The following SVEP1 variants were observed in gnomAD, a reference collection of about 807,000 sequenced individuals.
SVEP1 encodes sushi, von Willebrand factor type A, EGF and pentraxin domain-containing protein 1.
Under a neutral mutation model 367.3 loss-of-function variants are expected in SVEP1, and 164 were observed. The ratio of observed to expected loss-of-function variants is 0.45; its 90% CI spans 0.39 to 0.51. The LOEUF is 0.51. SVEP1 is among the 20% of genes least tolerant of loss of function. The pLI, the probability that SVEP1 is intolerant of heterozygous loss-of-function variation, is 0.00. For synonymous variants in SVEP1, 1,666 were observed against 1,611.6 expected, an observed-to-expected ratio of 1.03 and a Z score of -0.81; for missense variants, 4,117 against 4,425.3, an observed-to-expected ratio of 0.93 and a Z score of 1.98.
At chr9:110,514,788 T>C (rs1038660914) in intron 3 of SVEP1, among the ~76,000 whole-genome samples, 1 of 152,298 alleles carries the variant, frequency 6.6e-6, no homozygotes, top group Admixed American at 6.5e-5. Context: ...ATAAGTATGA[T>C]GTCCCCTATA....
At position 110,460,779 on chromosome 9, in the gene SVEP1, A is replaced by G. The variant is rs1015288010; in HGVS notation, c.3323-1666T>C. Among the ~76,000 whole-genome samples the G allele has an allele frequency of 2.0e-5, 3 of 152,162 alleles. No homozygotes were observed. The South Asian group carries it at 6.2e-4, about 32-fold the overall frequency. On this transcript the variant is annotated intron_variant, in intron 18 of 47. Transcript: ENST00000374469. The stretch of plus-strand genomic sequence containing the variant: ...AAAGAAAAAAAAAAAAGAAAATTCA[A>G]GGAAGGTATTAAAATCTTCCATGAA...
In SVEP1 at chr9:110,406,806, G is replaced by A; in HGVS notation, c.8794C>T (p.Gln2932Ter). The change falls in exon 38 of 48, where the codon CAG (glutamine) becomes TAG (stop). Residue 2932 changes from glutamine to a stop codon, truncating the protein, a stop_gained. Coordinates refer to ENST00000374469, the MANE Select transcript of SVEP1 (RefSeq NM_153366.4). LOFTEE classifies it high-confidence loss of function. ...TCTGCATCCCAGTTGCCATCTGACT[G>A]ACAGGTGAGTTTTGGAGCACCGTGC... ...ILHGAPKLTC[Q>*]SDGNWDAEIP... The A allele has an allele frequency of 6.2e-7, 1 of 1,614,042 alleles. No homozygotes were observed. The highest frequency in any genetic ancestry group is 8.5e-7 in the Non-Finnish European group (1 of 1,179,908).
intron 27 of SVEP1, 144 bp from the exon 28 acceptor site, chr9:110,436,648 G>A (rs1375577690): frequency 4.2e-6 from 5 of 1,188,748 alleles, no homozygotes; most frequent in Admixed American, 2.9e-5. Context: ...ATTTACTGCA[G>A]GTTTTATCAA....
At position 110,411,654 on chromosome 9, in the gene SVEP1, G is replaced by T. The variant is rs1396188922; in HGVS notation, c.6057C>A (p.Val2019=). Residue 2019 remains valine (V), a synonymous_variant, in exon 37 of 48, where the codon GTC becomes GTA. Coordinates refer to ENST00000374469, the MANE Select transcript of SVEP1 (RefSeq NM_153366.4). ...WSRSDQQCLA[V]SCDEPPIVDH... is the part of the protein sequence containing the mutation. The stretch of plus-strand genomic sequence containing the variant: ...CCACAATGGGTGGCTCATCACAGGA[G>T]ACAGCCAGGCACTGCTGGTCACTTC... 1 of 1,609,686 alleles carries T rather than the reference G, an allele frequency of 6.2e-7. No homozygotes were observed. The highest frequency in any genetic ancestry group is 2.2e-5 in the East Asian group (1 of 44,750).
In SVEP1 at chr9:110,485,946, T is replaced by A. The variant is rs577758757; in HGVS notation, c.1931-2253A>T. Among the ~76,000 whole-genome samples the A allele has an allele frequency of 3.3e-5, 5 of 152,340 alleles. No homozygotes were observed. In the South Asian group the frequency reaches 1.0e-3, roughly 32 times the overall value. Reference sequence around the variant, plus strand: ...AATTTTTGTCTTTTCCTCATGTTTGTTATTAGTGCAGACCTTAGGTTTATT... The same window carrying A: ...AATTTTTGTCTTTTCCTCATGTTTGATATTAGTGCAGACCTTAGGTTTATT... On this transcript the variant is annotated intron_variant, in intron 9 of 47. Coordinates refer to ENST00000374469, the MANE Select transcript of SVEP1 (RefSeq NM_153366.4).
intron 36 of SVEP1, among the ~76,000 whole-genome samples, chr9:110,414,759 G>C (rs1412287719): frequency 2.0e-5 from 3 of 151,736 alleles, no homozygotes; most frequent in Non-Finnish European, 4.4e-5. Flanking sequence ...TTCTGTCTTA[G>C]CAAAAAAGCC....
intron 1 of SVEP1, among the ~76,000 whole-genome samples, chr9:110,564,138 G>A (rs1830462443): frequency 6.6e-6 from 1 of 152,140 alleles, no homozygotes; most frequent in Non-Finnish European, 1.5e-5. Context: ...ATAATTTAAT[G>A]CTATGCTTAG....
chr9:110,410,253 C>G (rs1828025686), intron 37 of SVEP1, among the ~76,000 whole-genome samples: 1 of 152,018 alleles, frequency 6.6e-6, no homozygotes, highest in Non-Finnish European at 1.5e-5. Context: ...TCAAATGGCC[C>G]TTGATTTGGG....
chr9:110,377,255 C>G lies in SVEP1; in HGVS notation c.10504+16G>C, dbSNP rs369120164. On this transcript the variant is annotated intron_variant, in intron 45 of 47. Coordinates refer to ENST00000374469, the MANE Select transcript of SVEP1 (RefSeq NM_153366.4). ...AATTTGTCAGGACTCAAAGTAAGAT[C>G]TGAAGAGCAACTCACGTTCTTCACA... 3 of 1,611,186 alleles carry G rather than the reference C, an allele frequency of 1.9e-6. No homozygotes were observed. In the African/African-American group the frequency reaches 4.0e-5, roughly 22 times the overall value.
At position 110,427,507 on chromosome 9, in the gene SVEP1, G is replaced by T; in HGVS notation, c.5975+84C>A. 4.8e-6 allele frequency: 7 copies of T among 1,463,182 alleles called. 1 individual carries two copies. The South Asian group carries it at 8.5e-5, about 18-fold the overall frequency. The allele number at this position is 1,463,182 out of a possible 1,614,324, so 90.6% of individuals were successfully genotyped here. On this transcript the variant is annotated intron_variant, in intron 36 of 47. Coordinates refer to ENST00000374469, the MANE Select transcript of SVEP1 (RefSeq NM_153366.4). ...TTTGGCTGCCAGGAAATTAAATTTC[G>T]TGTCCAATGGAGCCCATCTCTGCAG...
intron 27 of SVEP1, among the ~76,000 whole-genome samples, chr9:110,439,551 G>A (rs570023358): frequency 8.6e-5 from 13 of 150,910 alleles, no homozygotes; most frequent in African/African-American, 2.0e-4. Context: ...CTGCCACCAC[G>A]CCCGGCTAAT....
chr9:110,555,769 TA>T (rs1315558453), intron 1 of SVEP1, among the ~76,000 whole-genome samples: 1 of 151,996 alleles, frequency 6.6e-6, no homozygotes, highest in Non-Finnish European at 1.5e-5. Context: ...GAATGCACTT[TA>T]AGGATAGAGG....
At chr9:110,425,371 A>C (rs1035889550) in intron 36 of SVEP1, among the ~76,000 whole-genome samples, 2 of 152,242 alleles carry the variant, frequency 1.3e-5, no homozygotes, top group African/African-American at 4.8e-5. Flanking sequence ...TTTTATAAAA[A>C]TGGTCTCATA....
chr9:110,549,777 G>A, intron 2 of SVEP1, 72 bp downstream of exon 2: 1 of 1,561,042 alleles, frequency 6.4e-7, no homozygotes, highest in South Asian at 1.2e-5. Context: ...ACCCTCCCAT[G>A]GGTTTCAAGC....
intron 23 of SVEP1, among the ~76,000 whole-genome samples, chr9:110,450,889 T>C (rs543111942): frequency 1.1e-4 from 17 of 152,334 alleles, no homozygotes; most frequent in African/African-American, 4.1e-4. Flanking sequence ...ACTTGCCTGT[T>C]TCTTTGATCT....
intron 36 of SVEP1, among the ~76,000 whole-genome samples, chr9:110,425,485 G>A (rs536679170): frequency 6.6e-6 from 1 of 152,302 alleles, no homozygotes; most frequent in South Asian, 2.1e-4. Context: ...AAATGGGCCT[G>A]TAAGAGAATG....
At chr9:110,437,223 T>C (rs1259088515) in intron 27 of SVEP1, among the ~76,000 whole-genome samples, 1 of 151,564 alleles carries the variant, frequency 6.6e-6, no homozygotes, top group Non-Finnish European at 1.5e-5. Context: ...GAAACTCCTG[T>C]ATCCCTTCCT....
At chr9:110,395,713 ATAAAACAGACT>A (rs1564129627) in intron 40 of SVEP1, among the ~76,000 whole-genome samples, 1 of 151,164 alleles carries the variant, frequency 6.6e-6, no homozygotes, top group East Asian at 1.9e-4. Context: ...CTAGTCTCTG[ATAAAACAGACT>A]TTAAACCAAC....
At chr9:110,505,626 C>T (rs1479858917) in intron 5 of SVEP1, among the ~76,000 whole-genome samples, 2 of 152,106 alleles carry the variant, frequency 1.3e-5, no homozygotes, top group Non-Finnish European at 2.9e-5. Flanking sequence ...CTAAAAACTT[C>T]CAGCTCCTTT....
Sources: allele counts gnomAD v4.1 joint callset (sites outside exome capture counted in the v4.1 genomes callset), GRCh38; gene constraint gnomAD v4.1.1; transcripts MANE v1.5; gene names NCBI Gene and HGNC (gene_info 2026-07-23, HGNC 2026-07-21).